The following UGT1A10 variants were observed in gnomAD, a reference collection of about 807,000 sequenced individuals.
The protein encoded by UGT1A10 is UDP glucuronosyltransferase family 1 member A10.
Under a neutral mutation model 45.8 loss-of-function variants are expected in UGT1A10, and 49 were observed. The observed-to-expected ratio is 1.07, with a 90% CI of 0.85 to 1.36. The LOEUF (loss-of-function observed/expected upper bound fraction) is 1.36, where lower values mean the gene tolerates loss of function less well. UGT1A10 is among the 40% of genes most tolerant of loss of function. The probability of loss-of-function intolerance (pLI) is 0.00; values close to 1 mark genes in which losing one functional copy is unlikely to be tolerated. For missense variants in UGT1A10, 745 were observed against 668.6 expected, an observed-to-expected ratio of 1.11 and a Z score of -1.26; for synonymous variants, 284 against 249.7, an observed-to-expected ratio of 1.14 and a Z score of -1.29.
At chr2:233,664,857 A>ATG (rs1343831567) in intron 1 of UGT1A10, among the ~76,000 whole-genome samples, 2 of 152,178 alleles carry the variant, frequency 1.3e-5, no homozygotes, top group Non-Finnish European at 2.9e-5. Context: ...TTCCAGTTTC[A>ATG]TGAATCCTTT....
chr2:233,755,761 T>G (rs1381641183), intron 1 of UGT1A10: 4 of 152,946 alleles, frequency 2.6e-5, no homozygotes, highest in African/African-American at 9.6e-5. Context: ...CATTTGCTTT[T>G]GTTCATCTGG....
chr2:233,724,298 C>A (rs1308100434), intron 1 of UGT1A10, among the ~76,000 whole-genome samples: 9 of 143,244 alleles, frequency 6.3e-5, no homozygotes, highest in South Asian at 2.4e-4. Context: ...CTGACCCCCC[C>A]ACCTCCCTCC....
chr2:233,743,820 C>T (rs753368953), intron 1 of UGT1A10: 5 of 1,367,258 alleles, frequency 3.7e-6, no homozygotes, highest in Non-Finnish European at 4.9e-6. Context: ...GGGTTTTTGT[C>T]GGGGTGCCAC....
chr2:233,770,703 G>C (rs1283135440), intron 4 of UGT1A10: 2 of 151,540 alleles, frequency 1.3e-5, no homozygotes, highest in African/African-American at 4.8e-5. Flanking sequence ...TCATCTTAAG[G>C]TTTATGTAAA....
chr2:233,660,574 C>T (rs28969996), intron 1 of UGT1A10, among the ~76,000 whole-genome samples: 1,882 of 152,208 alleles, frequency 0.012, 37 homozygotes, highest in African/African-American at 0.042. Context: ...TGGGAGCTGG[C>T]GTTTATTTTT....
Position 233,767,897 on chromosome 2 carries a change from A to G in UGT1A10, c.1036A>G (p.Thr346Ala). Residue 346 changes from threonine to alanine, a missense_variant, in exon 3 of 5, where the codon ACG becomes GCG. Thr to Ala is a moderately conservative substitution (Grantham distance 58). Transcript: ENST00000344644. ...CCGACCATCGAATCTTGCGAACAAC[A>G]CGATACTTGTTAAGTGGCTACCCCA... is the stretch of plus-strand genomic sequence containing the variant. The part of the protein sequence containing the change: ...GTRPSNLANN[T>A]ILVKWLPQND... The G allele has an allele frequency of 1.9e-6, 3 of 1,614,178 alleles. No homozygotes were observed. Among genetic ancestry groups the G allele is most frequent in the Non-Finnish European group, 1.7e-6 (2 of 1,180,044 alleles).
At chr2:233,771,238 A>G (rs1201821229) in intron 4 of UGT1A10, 1 of 152,168 alleles carries the variant, frequency 6.6e-6, no homozygotes, top group Non-Finnish European at 1.5e-5. Context: ...CAGCGATCAT[A>G]ATTAGTCCTG....
At chr2:233,736,140 G>A (rs1255229589) in intron 1 of UGT1A10, among the ~76,000 whole-genome samples, 1 of 152,150 alleles carries the variant, frequency 6.6e-6, no homozygotes, top group Non-Finnish European at 1.5e-5. Flanking sequence ...ATCACTTTCA[G>A]GTACACCAGT....
chr2:233,747,408 A>C, intron 1 of UGT1A10: 1 of 1,607,228 alleles, frequency 6.2e-7, no homozygotes. Flanking sequence ...CCCAGAGGTG[A>C]ATATGCACAT....
chr2:233,750,385 TG>T (rs1415350157), intron 1 of UGT1A10, among the ~76,000 whole-genome samples: 2 of 151,950 alleles, frequency 1.3e-5, no homozygotes, highest in Non-Finnish European at 2.9e-5. Flanking sequence ...CATAAAAGTT[TG>T]GAAAATTTGC....
At chr2:233,652,883 T>C (rs2125478285) in intron 1 of UGT1A10, among the ~76,000 whole-genome samples, 1 of 152,352 alleles carries the variant, frequency 6.6e-6, no homozygotes, top group Middle Eastern at 3.4e-3. Context: ...GGGGAAGTAT[T>C]TATGACCCAG....
intron 1 of UGT1A10, chr2:233,718,616 C>T (rs573810131): frequency 3.5e-5 from 30 of 858,718 alleles, no homozygotes; most frequent in Admixed American, 3.1e-4. Context: ...TCAAGATAGG[C>T]GTGATTGGTC....
At chr2:233,652,162 G>A (rs2125477514) in intron 1 of UGT1A10, among the ~76,000 whole-genome samples, 1 of 152,268 alleles carries the variant, frequency 6.6e-6, no homozygotes, top group East Asian at 1.9e-4. Context: ...GAAAAGATCT[G>A]GGCTTCCCCC....
chr2:233,668,446 A>C (rs2074120915), intron 1 of UGT1A10, among the ~76,000 whole-genome samples: 1 of 152,184 alleles, frequency 6.6e-6, no homozygotes, highest in Non-Finnish European at 1.5e-5. Context: ...TTCTTAATCC[A>C]GTCTACCACT....
chr2:233,636,727 T>A lies in UGT1A10; in HGVS notation c.205T>A (p.Ser69Thr). Residue 69 changes from serine to threonine, a missense_variant, in exon 1 of 5, where the codon TCA (serine) becomes ACA (threonine). Transcript: ENST00000344644. ...MPEVSWQLER[S>T]LNCTVKTYST... ...AGAGGTGAGTTGGCAACTGGAAAGA[T>A]CACTGAATTGCACAGTGAAGACTTA... 6.2e-7 allele frequency: 1 copy of A among 1,614,140 alleles called. No individual in the cohort carries two copies. Among genetic ancestry groups the A allele is most frequent in the Non-Finnish European group, 8.5e-7 (1 of 1,180,028 alleles).
chr2:233,690,518 A>G, intron 1 of UGT1A10: 1 of 1,289,690 alleles, frequency 7.8e-7, no homozygotes, highest in Non-Finnish European at 1.0e-6. Context: ...GTTTTATCTT[A>G]GGATCTACTT....
chr2:233,759,024 C>T (rs1053899140), intron 1 of UGT1A10, among the ~76,000 whole-genome samples: 1 of 152,174 alleles, frequency 6.6e-6, no homozygotes, highest in Admixed American at 6.5e-5. Context: ...ATTTGCTTAT[C>T]TATTTGGTTT....
chr2:233,726,034 C>T (rs1279276362), intron 1 of UGT1A10, among the ~76,000 whole-genome samples: 3 of 152,170 alleles, frequency 2.0e-5, no homozygotes, highest in East Asian at 1.9e-4. Flanking sequence ...GGTGTGATGG[C>T]GCACACCTGT....
At chr2:233,760,859 C>T in intron 1 of UGT1A10, 1 of 1,614,112 alleles carries the variant, frequency 6.2e-7, no homozygotes, top group Non-Finnish European at 8.5e-7. Context: ...AACCCATTCT[C>T]CTACGTGCCC....
Sources: gnomAD v4.1 joint callset for allele counts (sites outside exome capture counted in the v4.1 genomes callset) on GRCh38, gnomAD v4.1.1 for gene constraint, MANE v1.5 for transcripts, NCBI Gene and HGNC (gene_info 2026-07-23, HGNC 2026-07-21) for gene names.